Variants in GRM5 observed in about 807,000 individuals in gnomAD.
GRM5 encodes the protein metabotropic glutamate receptor 5.
In GRM5, 19 loss-of-function variants were observed where a neutral mutation model predicts 83.1. The observed-to-expected ratio is 0.23, with a 90% CI of 0.16 to 0.34. The LOEUF (loss-of-function observed/expected upper bound fraction) is 0.34. GRM5 is among the 10% of genes least tolerant of loss of function. The pLI is 1.00. For synonymous variants in GRM5, 675 were observed against 633.6 expected, an observed-to-expected ratio of 1.07 and a Z score of -0.98; for missense variants, 1,160 against 1,588.3, an observed-to-expected ratio of 0.73 and a Z score of 4.58.
intron 3 of GRM5, among the ~76,000 whole-genome samples, chr11:88,668,752 C>T (rs1479433364): frequency 6.6e-6 from 1 of 152,154 alleles, no homozygotes; most frequent in African/African-American, 2.4e-5. Context: ...ATCATTAGAA[C>T]TTATTCGTCT....
At chr11:88,801,091 A>C (rs1438853926) in intron 3 of GRM5, among the ~76,000 whole-genome samples, 5 of 152,168 alleles carry the variant, frequency 3.3e-5, no homozygotes, top group African/African-American at 1.2e-4. Flanking sequence ...GCCCAGAGGC[A>C]TACCATTAAG....
chr11:88,551,725 T>A, intron 8 of GRM5, among the ~76,000 whole-genome samples: 1 of 152,074 alleles, frequency 6.6e-6, no homozygotes. Context: ...TCCTCATCAG[T>A]ATAGGGGTCT....
chr11:88,784,566 G>A (rs1943030775), intron 3 of GRM5, among the ~76,000 whole-genome samples: 1 of 152,070 alleles, frequency 6.6e-6, no homozygotes, highest in South Asian at 2.1e-4. Flanking sequence ...AGCTGTGTTA[G>A]AGATTGACTG....
intron 2 of GRM5, among the ~76,000 whole-genome samples, chr11:88,865,578 A>G (rs1944648439): frequency 6.6e-6 from 1 of 152,158 alleles, no homozygotes; most frequent in African/African-American, 2.4e-5. Flanking sequence ...ATCAAACTAA[A>G]GACCTTCTGC....
At chr11:88,591,493 T>C (rs187440649) in intron 6 of GRM5, among the ~76,000 whole-genome samples, 97 of 152,322 alleles carry the variant, frequency 6.4e-4, no homozygotes, top group Non-Finnish European at 1.2e-3. Context: ...TTCCCCACCA[T>C]TGGTGCATGA....
At chr11:88,841,991 T>A (rs634279) in intron 3 of GRM5, among the ~76,000 whole-genome samples, 115,947 of 152,062 alleles carry the variant, frequency 0.76, 45,000 homozygotes, top group East Asian at 0.99. Flanking sequence ...TGAAATTACT[T>A]CAGTAGTACA....
intron 3 of GRM5, among the ~76,000 whole-genome samples, chr11:88,655,935 G>T (rs908639610): frequency 7.2e-5 from 11 of 151,934 alleles, no homozygotes; most frequent in Admixed American, 6.6e-4. Context: ...GACAACACTG[G>T]CTAAATTAGA....
chr11:88,882,943 C>T (rs1245312630), intron 2 of GRM5, among the ~76,000 whole-genome samples: 1 of 152,108 alleles, frequency 6.6e-6, no homozygotes, highest in South Asian at 2.1e-4. Flanking sequence ...AGTTTCCCTG[C>T]CTATGCTCTC....
chr11:88,913,393 C>A (rs1945533464), intron 2 of GRM5, among the ~76,000 whole-genome samples: 1 of 151,956 alleles, frequency 6.6e-6, no homozygotes, highest in South Asian at 2.1e-4. Flanking sequence ...TGTCTGGCAT[C>A]CAGCTGGGTT....
chr11:88,626,948 C>T (rs1490300977), intron 4 of GRM5, among the ~76,000 whole-genome samples: 2 of 152,196 alleles, frequency 1.3e-5, no homozygotes, highest in Admixed American at 6.5e-5. Flanking sequence ...ATCCTGATCT[C>T]CGGCTTCCAG....
intron 2 of GRM5, among the ~76,000 whole-genome samples, chr11:88,962,042 G>A (rs1269625649): frequency 6.6e-6 from 1 of 152,154 alleles, no homozygotes; most frequent in Non-Finnish European, 1.5e-5. Flanking sequence ...TTAGAATCAA[G>A]GAAACTGAGA....
chr11:88,543,339 C>A (rs1401616268), intron 8 of GRM5, among the ~76,000 whole-genome samples: 3 of 152,128 alleles, frequency 2.0e-5, no homozygotes, highest in African/African-American at 7.2e-5. Flanking sequence ...AGGAAGAGGG[C>A]AGGGTGCAGA....
At chr11:88,724,881 T>G (rs6416017) in intron 3 of GRM5, among the ~76,000 whole-genome samples, 1 of 152,014 alleles carries the variant, frequency 6.6e-6, no homozygotes, top group African/African-American at 2.4e-5. Flanking sequence ...CCAGATACTA[T>G]GCTTTTGACA....
At chr11:88,839,596 A>G (rs977985241) in intron 3 of GRM5, among the ~76,000 whole-genome samples, 1 of 152,152 alleles carries the variant, frequency 6.6e-6, no homozygotes, top group Non-Finnish European at 1.5e-5. Context: ...CACTTAAACT[A>G]TTTTTCATGA....
intron 4 of GRM5, among the ~76,000 whole-genome samples, chr11:88,636,819 C>T (rs539060039): frequency 2.0e-5 from 3 of 152,178 alleles, no homozygotes; most frequent in African/African-American, 7.2e-5. Flanking sequence ...ATCCTTTCCC[C>T]ATTGCTTGTT....
At chr11:88,701,410 A>G (rs748773878) in intron 3 of GRM5, among the ~76,000 whole-genome samples, 2 of 152,122 alleles carry the variant, frequency 1.3e-5, no homozygotes, top group Non-Finnish European at 2.9e-5. Flanking sequence ...CGATCAAGAC[A>G]AGCATAGTCA....
intron 3 of GRM5, among the ~76,000 whole-genome samples, chr11:88,804,545 G>A (rs143352417): frequency 0.051 from 7,739 of 151,842 alleles, 378 homozygotes; most frequent in Admixed American, 0.16. Flanking sequence ...GTGGGGTGGC[G>A]GGAGCGGGGA....
chr11:88,558,633 C>G (rs1942681332), intron 8 of GRM5, among the ~76,000 whole-genome samples: 2 of 151,658 alleles, frequency 1.3e-5, no homozygotes, highest in African/African-American at 4.8e-5. Flanking sequence ...GAAACCCCAT[C>G]TCTTCTAAAA....
At chr11:88,744,453 A>T (rs368996167) in intron 3 of GRM5, among the ~76,000 whole-genome samples, 1 of 152,130 alleles carries the variant, frequency 6.6e-6, no homozygotes, top group South Asian at 2.1e-4. Flanking sequence ...TTTATTTTAT[A>T]GCTTTTGCAA....
Sources: allele counts gnomAD v4.1 joint callset (sites outside exome capture counted in the v4.1 genomes callset), GRCh38; gene constraint gnomAD v4.1.1; transcripts MANE v1.5; gene names NCBI Gene and HGNC (gene_info 2026-07-23, HGNC 2026-07-21).